The following CYP4B1 variants were observed in gnomAD, a reference collection of about 807,000 sequenced individuals.
CYP4B1 encodes cytochrome P450 4B1.
Under a neutral mutation model 54.0 loss-of-function variants are expected in CYP4B1, and 45 were observed. The ratio of observed to expected loss-of-function variants is 0.83; its 90% CI spans 0.66 to 1.07. The LOEUF (loss-of-function observed/expected upper bound fraction) is 1.07, where lower values mean the gene tolerates loss of function less well. Among genes scored for constraint, CYP4B1 ranks in the 50% least tolerant of loss-of-function variants. The probability of loss-of-function intolerance (pLI) is 0.00; values close to 1 mark genes in which losing one functional copy is unlikely to be tolerated. For missense variants in CYP4B1, 656 were observed against 655.4 expected (o/e 1.00, Z -0.01); for synonymous variants, 248 against 247.5 (o/e 1.00, Z -0.02).
rs764273055 is a variant in CYP4B1, at chr1:46,818,251, G to T, written c.1355+38G>T. 4 of 1,569,854 alleles carry T rather than the reference G, an allele frequency of 2.5e-6. No homozygotes were observed. In the South Asian group the frequency reaches 4.4e-5, roughly 17 times the overall value. ...CCAGTATCCCAGGCCCTCAGGACTGGGGAGGAGAGGGTGGATGACATCATA... is the reference window on the plus strand; with the variant it reads ...CCAGTATCCCAGGCCCTCAGGACTGTGGAGGAGAGGGTGGATGACATCATA... On this transcript the variant is annotated intron_variant, in intron 11 of 11. Transcript: ENST00000371923.
chr1:46,811,181 A>G lies in CYP4B1; in HGVS notation c.364A>G (p.Ile122Val). 6.2e-7 allele frequency: 1 copy of G among 1,613,972 alleles called. No individual in the cohort carries two copies. The highest frequency in any genetic ancestry group is 8.5e-7 in the Non-Finnish European group (1 of 1,179,980). ...PDVYDFFLQWIGRGLLVLEGP... is the reference protein window; with the variant it reads ...PDVYDFFLQWVGRGLLVLEGP... The stretch of plus-strand genomic sequence containing the variant: ...TGTGTATGACTTCTTCCTCCAGTGG[A>G]TTGGTGAGTGAGCACCTGCCTTCCC... Residue 122 changes from isoleucine to valine, a missense_variant, in exon 3 of 12, where the codon ATT becomes GTT. Ile to Val is a conservative substitution (Grantham distance 29). Transcript: ENST00000371923.
Position 46,819,000 on chromosome 1 carries a change from G to A in CYP4B1, c.*186G>A. 7.3e-6 allele frequency: 4 copies of A among 551,634 alleles called. No homozygotes were observed. The highest frequency in any genetic ancestry group is 1.3e-5 in the Non-Finnish European group (4 of 311,928). 34.2% of individuals were successfully genotyped at this position (551,634 alleles called of 1,614,324 possible). ...TATGTAAAAATGTGTGTCTATAAAT[G>A]TTTATCATGCATGTATTCTAGAGCT... On this transcript the variant is annotated 3_prime_UTR_variant, in exon 12 of 12. Coordinates refer to ENST00000371923, the MANE Select transcript of CYP4B1 (RefSeq NM_001099772.2).
chr1:46,802,550 G>T (rs572507361), intron 1 of CYP4B1, among the ~76,000 whole-genome samples: 9 of 152,192 alleles, frequency 5.9e-5, no homozygotes, highest in Non-Finnish European at 1.2e-4. Context: ...AGGGATTCTT[G>T]CTACAAAACA....
At chr1:46,809,029 T>G in intron 1 of CYP4B1, among the ~76,000 whole-genome samples, 1 of 145,808 alleles carries the variant, frequency 6.9e-6, no homozygotes, top group African/African-American at 2.6e-5. Context: ...AGATGACGAG[T>G]TAGTGGGTGC....
At position 46,818,716 on chromosome 1, in the gene CYP4B1, C is replaced by T. The variant is rs200623406; in HGVS notation, c.1441C>T (p.Pro481Ser). 5.3e-5 allele frequency: 86 copies of T among 1,614,026 alleles called. No individual in the cohort carries two copies. The highest frequency in any genetic ancestry group is 6.9e-5 in the Non-Finnish European group (81 of 1,180,028). The change falls in exon 12 of 12, where the codon CCC becomes TCC. Residue 481 changes from proline (P) to serine (S), a missense_variant. By Grantham distance (74) the Pro-to-Ser change is moderately conservative. Coordinates refer to ENST00000371923, the MANE Select transcript of CYP4B1 (RefSeq NM_001099772.2). ...CLLRFEFSLD[P>S]SRLPIKMPQL... The stretch of plus-strand genomic sequence containing the variant: ...GCTCCGCTTTGAGTTCTCTCTGGAC[C>T]CCTCACGGCTGCCCATCAAGATGCC...
Position 46,815,105 on chromosome 1 carries a change from A to T in CYP4B1, c.914A>T (p.Asp305Val). Residue 305 changes from aspartate to valine, a missense_variant, in exon 8 of 12, where the codon GAC becomes GTC. By Grantham distance (152) the Asp-to-Val change is radical. Coordinates refer to ENST00000371923, the MANE Select transcript of CYP4B1 (RefSeq NM_001099772.2). ...GATGACATCAAACTGTCAGATGCAG[A>T]CCTCCGGGCTGAAGTGGACACATTC... ...DEDDIKLSDA[D>V]LRAEVDTFMF... 6.2e-7 allele frequency: 1 copy of T among 1,613,980 alleles called. No homozygotes were observed. Among genetic ancestry groups the T allele is most frequent in the Non-Finnish European group, 8.5e-7 (1 of 1,179,982 alleles).
chr1:46,814,443 G>A (rs547051882), intron 7 of CYP4B1, 128 bp downstream of exon 7: 39 of 711,186 alleles, frequency 5.5e-5, no homozygotes, highest in African/African-American at 2.8e-4. Flanking sequence ...CCTGTTCCTC[G>A]TCCCATGAAA....
At chr1:46,808,063 A>C (rs1000540064) in intron 1 of CYP4B1, among the ~76,000 whole-genome samples, 3 of 152,026 alleles carry the variant, frequency 2.0e-5, no homozygotes, top group African/African-American at 7.3e-5. Context: ...CATGAGGAGG[A>C]GCTTTAGGAA....
chr1:46,800,929 G>A (rs1678633155), intron 1 of CYP4B1, among the ~76,000 whole-genome samples: 1 of 152,138 alleles, frequency 6.6e-6, no homozygotes, highest in African/African-American at 2.4e-5. Context: ...AGCTGGGCGA[G>A]GTTCCTCCCC....
At position 46,810,915 on chromosome 1, in the gene CYP4B1, G is replaced by A. The variant is rs187612663; in HGVS notation, c.288G>A (p.Glu96=). ...TCATTGGCTTCCTGAACATCTATGAGCCTGACTATGCCAAAGCTGTGTACA... is the reference window on the plus strand; with the variant it reads ...TCATTGGCTTCCTGAACATCTATGAACCTGACTATGCCAAAGCTGTGTACA... ...GQFIGFLNIY[E]PDYAKAVYSR... The change falls in exon 2 of 12, where the codon GAG becomes GAA. Residue 96 remains glutamate (E), a synonymous_variant. Coordinates refer to ENST00000371923, the MANE Select transcript of CYP4B1 (RefSeq NM_001099772.2). The A allele has an allele frequency of 6.8e-5, 109 of 1,614,124 alleles. 1 individual carries two copies. In the African/African-American group the frequency reaches 1.2e-3, roughly 18 times the overall value.
In CYP4B1 at chr1:46,818,034, C is replaced by A. The variant is rs1325738465; in HGVS notation, c.1272+5C>A. 5 of 1,613,936 alleles carry A rather than the reference C, an allele frequency of 3.1e-6. No homozygotes were observed. Among genetic ancestry groups the A allele is most frequent in the Admixed American group, 1.7e-5 (1 of 59,996 alleles). ...GCTGTATGGCCCGACCCTGAGGTAC[C>A]CTTTCCCTGGGCTGGGAGATCAGAC... On this transcript the variant is annotated splice_donor_5th_base_variant and intron_variant, in intron 10 of 11. Coordinates refer to ENST00000371923, the MANE Select transcript of CYP4B1 (RefSeq NM_001099772.2).
rs11809142 is a variant in CYP4B1 at position 46,800,476 on chromosome 1, A to G, written c.180+1215A>G. Among the ~76,000 whole-genome samples the G allele has an allele frequency of 5.4e-3, 825 of 151,838 alleles. 12 individuals are homozygous for G. The highest frequency in any genetic ancestry group is 0.019 in the African/African-American group (785 of 41,392). On this transcript the variant is annotated intron_variant, in intron 1 of 11. Coordinates refer to ENST00000371923, the MANE Select transcript of CYP4B1 (RefSeq NM_001099772.2). ...CTCCCAAGTAGCTGGGACCACAGGCACGCGCCACCATGCCTAGCTAATTTT... is the reference window on the plus strand; with the variant it reads ...CTCCCAAGTAGCTGGGACCACAGGCGCGCGCCACCATGCCTAGCTAATTTT...
At chr1:46,802,116 C>T (rs934890954) in intron 1 of CYP4B1, among the ~76,000 whole-genome samples, 1 of 152,148 alleles carries the variant, frequency 6.6e-6, no homozygotes, top group Non-Finnish European at 1.5e-5. Flanking sequence ...GGACTTTGCA[C>T]ATAGTAGGTG....
At position 46,818,973 on chromosome 1, in the gene CYP4B1, G is replaced by T. The variant is rs1679452321; in HGVS notation, c.*159G>T. 1.7e-6 allele frequency: 1 copy of T among 601,860 alleles called. No individual in the cohort carries two copies. The highest frequency in any genetic ancestry group is 3.0e-5 in the Admixed American group (1 of 33,342). 37.3% of individuals were successfully genotyped at this position (601,860 alleles called of 1,614,324 possible). ...CCATAGACGACTCCTAGAGGACAGT[G>T]CTATGTAAAAATGTGTGTCTATAAA... is the stretch of plus-strand genomic sequence containing the variant. On this transcript the variant is annotated 3_prime_UTR_variant, in exon 12 of 12. Coordinates refer to ENST00000371923, the MANE Select transcript of CYP4B1 (RefSeq NM_001099772.2).
At chr1:46,806,637 T>C (rs1259753789) in intron 1 of CYP4B1, among the ~76,000 whole-genome samples, 1 of 152,214 alleles carries the variant, frequency 6.6e-6, no homozygotes, top group African/African-American at 2.4e-5. Flanking sequence ...TACTTTAGGC[T>C]CTTGAGAAGC....
intron 4 of CYP4B1, 113 bp from the exon 5 acceptor site, chr1:46,813,369 G>A: frequency 1.5e-6 from 2 of 1,298,070 alleles, no homozygotes; most frequent in Non-Finnish European, 2.2e-6. Context: ...AGTGTGTGAA[G>A]GGGGCTTGGT....
intron 1 of CYP4B1, among the ~76,000 whole-genome samples, chr1:46,800,471 C>T (rs974291934): frequency 1.4e-4 from 22 of 151,808 alleles, no homozygotes; most frequent in African/African-American, 5.1e-4. Flanking sequence ...GCTGGGACCA[C>T]AGGCACGCGC....
chr1:46,800,238 T>TTTCCTTCC (rs1216147120), intron 1 of CYP4B1, among the ~76,000 whole-genome samples: 1,555 of 42,228 alleles, frequency 0.037, 63 homozygotes, highest in Middle Eastern at 0.058. Context: ...TCTTTCTTTC[T>TTTCCTTCC]TTCCTTCCTT....
intron 1 of CYP4B1, 109 bp downstream of exon 1, chr1:46,799,370 G>A (rs1280919091): frequency 4.0e-6 from 4 of 995,310 alleles, no homozygotes; most frequent in Admixed American, 2.5e-5. Context: ...ACTTGGGCAG[G>A]GGGATGATGT....
Sources: allele counts gnomAD v4.1 joint callset (sites outside exome capture counted in the v4.1 genomes callset), GRCh38; gene constraint gnomAD v4.1.1; transcripts MANE v1.5; gene names NCBI Gene and HGNC (gene_info 2026-07-23, HGNC 2026-07-21).